The following RYR3 variants were observed in gnomAD, a reference collection of about 807,000 sequenced individuals.
RYR3 encodes the protein ryanodine receptor 3.
Under a neutral mutation model 584.3 loss-of-function variants are expected in RYR3, and 207 were observed. The ratio of observed to expected loss-of-function variants is 0.35; its 90% CI spans 0.32 to 0.40. The LOEUF is 0.40. Among genes scored for constraint, RYR3 ranks in the 10% least tolerant of loss-of-function variants. The probability of loss-of-function intolerance (pLI) is 1.00; values close to 1 mark genes in which losing one functional copy is unlikely to be tolerated. For missense variants in RYR3, 5,616 were observed against 6,089.2 expected, an observed-to-expected ratio of 0.92 and a Z score of 2.59; for synonymous variants, 2,416 against 2,248.5, an observed-to-expected ratio of 1.07 and a Z score of -2.11.
intron 1 of RYR3, among the ~76,000 whole-genome samples, chr15:33,333,598 G>A (rs1970620739): frequency 6.6e-6 from 1 of 152,064 alleles, no homozygotes; most frequent in Non-Finnish European, 1.5e-5. Flanking sequence ...CATACTGAAG[G>A]GCAAAAGCTC....
chr15:33,567,833 C>T (rs1297015012), intron 12 of RYR3, among the ~76,000 whole-genome samples: 1 of 152,156 alleles, frequency 6.6e-6, no homozygotes, highest in East Asian at 1.9e-4. Context: ...GTTATAGGCC[C>T]TCCAGGTAAT....
In RYR3 at chr15:33,827,196, C is replaced by A. The variant is rs866083414; in HGVS notation, c.11246-3C>A. 2.3e-5 allele frequency: 36 copies of A among 1,551,670 alleles called. No homozygotes were observed. In the Middle Eastern group the frequency reaches 1.3e-3, roughly 57 times the overall value. ...AGCTCTGACCCAGCACTGGTGCTCT[C>A]AGACTTTCAGAACTTCCTGCGGACT... On this transcript the variant is annotated splice_region_variant and splice_polypyrimidine_tract_variant and intron_variant, in intron 84 of 103. Coordinates refer to ENST00000634891, the MANE Select transcript of RYR3 (RefSeq NM_001036.6).
chr15:33,384,600 T>TGC (rs981616020), intron 1 of RYR3, among the ~76,000 whole-genome samples: 9 of 57,616 alleles, frequency 1.6e-4, no homozygotes, highest in South Asian at 1.4e-3. Context: ...TATCTATATA[T>TGC]GCACACACAC....
At chr15:33,677,684 G>C (rs1041922436) in intron 38 of RYR3, among the ~76,000 whole-genome samples, 1 of 152,202 alleles carries the variant, frequency 6.6e-6, no homozygotes, top group Non-Finnish European at 1.5e-5. Flanking sequence ...TGTCTGGCTA[G>C]GGAAGCAGTT....
intron 1 of RYR3, among the ~76,000 whole-genome samples, chr15:33,429,963 C>T (rs1290934583): frequency 1.3e-5 from 2 of 152,228 alleles, no homozygotes; most frequent in Non-Finnish European, 2.9e-5. Context: ...TTCAGCCAGC[C>T]AGTCGTCTAG....
At chr15:33,457,549 G>C (rs1159666827) in intron 1 of RYR3, among the ~76,000 whole-genome samples, 1 of 152,188 alleles carries the variant, frequency 6.6e-6, no homozygotes, top group Non-Finnish European at 1.5e-5. Context: ...CAGAAGTAGA[G>C]TATGGAATAG....
chr15:33,451,479 AC>A (rs914564890), intron 1 of RYR3, among the ~76,000 whole-genome samples: 1 of 151,432 alleles, frequency 6.6e-6, no homozygotes, highest in Non-Finnish European at 1.5e-5. Flanking sequence ...AAAAAAAAAA[AC>A]TGGGGAAAAA....
chr15:33,601,299 GCT>G (rs1184658716), intron 16 of RYR3, 118 bp from the exon 17 acceptor site: 1 of 961,992 alleles, frequency 1.0e-6, no homozygotes, highest in African/African-American at 1.6e-5. Context: ...CTCTGAGCTG[GCT>G]CTCTACCCGT....
At chr15:33,724,581 G>T (rs1032335269) in intron 45 of RYR3, among the ~76,000 whole-genome samples, 1 of 152,142 alleles carries the variant, frequency 6.6e-6, no homozygotes, top group Middle Eastern at 3.2e-3. Context: ...CTCTTCCTGT[G>T]GTTGGTGTTT....
At chr15:33,384,534 T>G (rs1248552748) in intron 1 of RYR3, among the ~76,000 whole-genome samples, 1 of 145,784 alleles carries the variant, frequency 6.9e-6, no homozygotes, top group Non-Finnish European at 1.5e-5. Flanking sequence ...TAATATTAAT[T>G]TAATTAATAT....
intron 2 of RYR3, among the ~76,000 whole-genome samples, chr15:33,488,725 G>A (rs1271337539): frequency 2.0e-5 from 3 of 152,060 alleles, no homozygotes; most frequent in Admixed American, 2.0e-4. Context: ...GGTGACACGT[G>A]CCTATAGTTC....
At chr15:33,834,004 G>A (rs561272422) in intron 86 of RYR3, among the ~76,000 whole-genome samples, 25 of 152,248 alleles carry the variant, frequency 1.6e-4, no homozygotes, top group Admixed American at 2.6e-4. Flanking sequence ...ATTATTGACC[G>A]CGCACTGTGG....
At chr15:33,381,065 A>T (rs558750248) in intron 1 of RYR3, among the ~76,000 whole-genome samples, 6 of 152,172 alleles carry the variant, frequency 3.9e-5, no homozygotes, top group South Asian at 2.1e-4. Flanking sequence ...AGTCTATTAG[A>T]TCAATTTTCC....
intron 27 of RYR3, among the ~76,000 whole-genome samples, chr15:33,642,022 C>T (rs151292070): frequency 2.0e-5 from 3 of 152,298 alleles, no homozygotes; most frequent in East Asian, 3.9e-4. Flanking sequence ...CTTCCCGTGA[C>T]TGTGGTCAAG....
chr15:33,396,235 C>T (rs1199975744), intron 1 of RYR3, among the ~76,000 whole-genome samples: 1 of 152,190 alleles, frequency 6.6e-6, no homozygotes, highest in Admixed American at 6.5e-5. Context: ...GAGCCCTGCA[C>T]AGGCCTTCTT....
In RYR3 at chr15:33,669,843, TGGGGG is replaced by T. The variant is rs35446204; in HGVS notation, c.5722+398_5722+402del. On this transcript the variant is annotated intron_variant, in intron 37 of 103. Transcript: ENST00000634891. ...TTTAGCTATTAGGGGTGTGTGTGTG[TGGGGG>T]GGGGGGGGGGTGTGGGTGTGTGGGT... Among the ~76,000 whole-genome samples the T allele has an allele frequency of 1.4e-3, 31 of 22,110 alleles. 4 individuals are homozygous for T. Among genetic ancestry groups the T allele is most frequent in the African/African-American group, 2.9e-3 (25 of 8,606 alleles). 14.5% of individuals were successfully genotyped at this position (22,110 alleles called of 152,430 possible). A position where few individuals can be genotyped will look rare whatever the true frequency, so the allele number is the denominator to read the frequency against.
chr15:33,314,979 G>A (rs1967950428), intron 1 of RYR3, among the ~76,000 whole-genome samples: 2 of 151,996 alleles, frequency 1.3e-5, no homozygotes, highest in South Asian at 4.1e-4. Flanking sequence ...GGAACTCAGA[G>A]TGAGATAGAC....
At chr15:33,756,500 C>T in intron 59 of RYR3, 127 bp downstream of exon 59, 1 of 736,354 alleles carries the variant, frequency 1.4e-6, no homozygotes, top group South Asian at 1.6e-5. Context: ...ATGTATATTT[C>T]TCTGTCGTGT....
intron 2 of RYR3, among the ~76,000 whole-genome samples, chr15:33,480,323 C>T (rs2049844277): frequency 6.6e-6 from 1 of 152,186 alleles, no homozygotes; most frequent in Admixed American, 6.5e-5. Flanking sequence ...TCAAACTGTA[C>T]CCATCTCATA....
Sources: gnomAD v4.1 joint callset for allele counts (sites outside exome capture counted in the v4.1 genomes callset) on GRCh38, gnomAD v4.1.1 for gene constraint, MANE v1.5 for transcripts, NCBI Gene and HGNC (gene_info 2026-07-23, HGNC 2026-07-21) for gene names.